Variants in MICALL1 observed in about 807,000 individuals in gnomAD.
The protein encoded by MICALL1 is MICAL-like protein 1.
MICALL1 carries 61 observed loss-of-function variants against 83.7 expected under a neutral mutation model. The observed-to-expected ratio is 0.73, with a 90% CI of 0.59 to 0.90. The LOEUF (loss-of-function observed/expected upper bound fraction) is 0.90, where lower values mean the gene tolerates loss of function less well. Ranked by LOEUF, MICALL1 falls within the 40% of genes least tolerant of loss-of-function variation. MICALL1 has a pLI of 0.00. For synonymous variants in MICALL1, 481 were observed against 473.6 expected (o/e 1.02, Z -0.20); for missense variants, 1,066 against 1,152.0 (o/e 0.93, Z 1.08).
Position 37,940,740 on chromosome 22 carries a change from G to A in MICALL1, c.2502G>A (p.Lys834=). ...AGAGGGAGGCTGAACCTGAGGGCAAGAAGAAGGGGAAGTTCAAGACCATGA... is the reference window on the plus strand; with the variant it reads ...AGAGGGAGGCTGAACCTGAGGGCAAAAAGAAGGGGAAGTTCAAGACCATGA... The part of the protein sequence containing the change: ...EFQREAEPEG[K]KKGKFKTMKM... Residue 834 remains lysine (K), a synonymous_variant, in exon 16 of 16, where the codon AAG becomes AAA. Coordinates refer to ENST00000215957, the MANE Select transcript of MICALL1 (RefSeq NM_033386.4). 1 of 1,614,032 alleles carries A rather than the reference G, an allele frequency of 6.2e-7. No homozygotes were observed. Among genetic ancestry groups the A allele is most frequent in the African/African-American group, 1.3e-5 (1 of 75,050 alleles).
At position 37,925,745 on chromosome 22, in the gene MICALL1, C is replaced by A. The variant is rs952419395; in HGVS notation, c.1167C>A (p.Ser389Arg). 1 of 1,612,518 alleles carries A rather than the reference C, an allele frequency of 6.2e-7. No individual in the cohort carries two copies. The highest frequency in any genetic ancestry group is 1.1e-5 in the South Asian group (1 of 91,002). ...PKKKPAPLPP[S>R]SSPGPPSQDS... ...AGAAGCCAGCCCCACTTCCCCCAAG[C>A]AGCAGCCCGGGGCCACCAAGCCAGG... Residue 389 changes from serine to arginine, a missense_variant, in exon 8 of 16, where the codon AGC (serine) becomes AGA (arginine). By Grantham distance (110) the Ser-to-Arg change is moderately radical. Coordinates refer to ENST00000215957, the MANE Select transcript of MICALL1 (RefSeq NM_033386.4).
At chr22:37,923,557 A>T (rs1929230497) in intron 6 of MICALL1, among the ~76,000 whole-genome samples, 1 of 152,182 alleles carries the variant, frequency 6.6e-6, no homozygotes, top group Non-Finnish European at 1.5e-5. Context: ...CCTGCCCCAA[A>T]TGCCGAGTTC....
intron 3 of MICALL1, among the ~76,000 whole-genome samples, chr22:37,917,426 A>G (rs1358868873): frequency 6.6e-6 from 1 of 152,076 alleles, no homozygotes; most frequent in Non-Finnish European, 1.5e-5. Context: ...GTGTTCTGTG[A>G]TCGTACTGTT....
In MICALL1 at chr22:37,937,625, T is replaced by C. The variant is rs145266401; in HGVS notation, c.2424-121T>C. 9.8e-3 allele frequency: 9,309 copies of C among 946,350 alleles called. 449 individuals are homozygous for C. The African/African-American group carries it at 0.12, about 12-fold the overall frequency. The allele number at this position is 946,350 out of a possible 1,614,324, so 58.6% of individuals were successfully genotyped here. ...TTTTAGTAGAGATGGGGTTTCACCA[T>C]GTTGGCTAGGCTGATCTCGAACTCC... On this transcript the variant is annotated intron_variant, in intron 14 of 15. Coordinates refer to ENST00000215957, the MANE Select transcript of MICALL1 (RefSeq NM_033386.4).
intron 15 of MICALL1, among the ~76,000 whole-genome samples, chr22:37,939,755 C>T (rs1930328739): frequency 8.3e-6 from 1 of 120,494 alleles, no homozygotes; most frequent in African/African-American, 3.3e-5. Flanking sequence ...GCCTGGGCGA[C>T]AGCACAAGTC....
At position 37,924,624 on chromosome 22, in the gene MICALL1, C is replaced by T. The variant is rs1929303703; in HGVS notation, c.1025-36C>T. On this transcript the variant is annotated intron_variant, in intron 6 of 15. Transcript: ENST00000215957. This position sits in a 1 kb window ranked among gnomAD's most constrained non-coding sequence, Gnocchi z 5.2. ...TCCCTGGGTGCCCACCTCCTGCTGC[C>T]CATGAAGGCCTGGCTCACTCTCCTT... The T allele has an allele frequency of 6.3e-7, 1 of 1,597,458 alleles. No homozygotes were observed. Among genetic ancestry groups the T allele is most frequent in the Non-Finnish European group, 8.5e-7 (1 of 1,169,980 alleles).
intron 9 of MICALL1, among the ~76,000 whole-genome samples, chr22:37,928,581 C>T (rs1929621098): frequency 6.6e-6 from 1 of 152,208 alleles, no homozygotes; most frequent in Admixed American, 6.5e-5. Context: ...CCATTACCCA[C>T]TCTGTCCAAT....
intron 1 of MICALL1, among the ~76,000 whole-genome samples, chr22:37,909,818 G>C (rs1414362359): frequency 6.6e-6 from 1 of 152,228 alleles, no homozygotes; most frequent in Non-Finnish European, 1.5e-5. Flanking sequence ...CACATAATGT[G>C]TAGGGAAGTC....
intron 15 of MICALL1, among the ~76,000 whole-genome samples, chr22:37,939,659 A>G (rs1183282222): frequency 2.0e-5 from 3 of 151,604 alleles, no homozygotes; most frequent in Admixed American, 2.0e-4. Flanking sequence ...GTGTAATCCC[A>G]GCTACTCGGG....
intron 3 of MICALL1, among the ~76,000 whole-genome samples, chr22:37,915,239 G>A (rs1027774612): frequency 3.3e-5 from 5 of 152,092 alleles, no homozygotes; most frequent in South Asian, 2.1e-4. Flanking sequence ...GCAACAGAGC[G>A]AGACCCCATC....
At position 37,939,442 on chromosome 22, in the gene MICALL1, CAG is replaced by C. The variant is rs138578653; in HGVS notation, c.2471-1264_2471-1263del. 4.9e-3 allele frequency among the ~76,000 whole-genome samples: 744 copies of C among 152,288 alleles called. 7 individuals are homozygous for C. Among genetic ancestry groups the C allele is most frequent in the African/African-American group, 0.017 (720 of 41,568 alleles). On this transcript the variant is annotated intron_variant, in intron 15 of 15. Coordinates refer to ENST00000215957, the MANE Select transcript of MICALL1 (RefSeq NM_033386.4). ...CTGACAGCGTTTGTGTTGTAAGTAA[CAG>C]AGCTGTGGGCACCAGCCTGGGTGAA...
chr22:37,933,709 AC>A (rs1361953957), intron 13 of MICALL1, among the ~76,000 whole-genome samples: 3 of 152,052 alleles, frequency 2.0e-5, no homozygotes, highest in Non-Finnish European at 4.4e-5. Flanking sequence ...GCAGGCAGAG[AC>A]CCCAGGACTA....
At chr22:37,913,499 C>T (rs1928472198) in intron 3 of MICALL1, among the ~76,000 whole-genome samples, 1 of 152,200 alleles carries the variant, frequency 6.6e-6, no homozygotes, top group African/African-American at 2.4e-5. Context: ...TTTCCTCCAG[C>T]AGGGAAGTGG....
intron 9 of MICALL1, among the ~76,000 whole-genome samples, chr22:37,929,003 A>C (rs1422413834): frequency 2.6e-5 from 4 of 152,054 alleles, no homozygotes; most frequent in Non-Finnish European, 4.4e-5. Flanking sequence ...GGCACCTGTA[A>C]TCCTGGCTAC....
At chr22:37,928,184 G>T (rs989926394) in intron 9 of MICALL1, among the ~76,000 whole-genome samples, 2 of 150,752 alleles carry the variant, frequency 1.3e-5, no homozygotes, top group Admixed American at 6.6e-5. Context: ...GGGATTACAG[G>T]CATGAACCAC....
intron 5 of MICALL1, among the ~76,000 whole-genome samples, chr22:37,921,738 A>AT (rs2145908220): frequency 6.6e-6 from 1 of 152,250 alleles, no homozygotes; most frequent in East Asian, 1.9e-4. Context: ...AACTGAAGGC[A>AT]TTTTTCACAA....
In MICALL1 at chr22:37,924,787, C is replaced by A; in HGVS notation, c.1082+70C>A. On this transcript the variant is annotated intron_variant, in intron 7 of 15. Transcript: ENST00000215957. The surrounding 1 kb of genome is among the most constrained non-coding windows in gnomAD (Gnocchi z 5.2). ...GGTGGGAATCAGGGTACTCTGGGGC[C>A]GGGTAGGGAGAGAGGCTTCCTGTGG... The A allele has an allele frequency of 1.3e-6, 2 of 1,526,386 alleles. No individual in the cohort carries two copies. Among genetic ancestry groups the A allele is most frequent in the Non-Finnish European group, 1.8e-6 (2 of 1,110,624 alleles). 94.6% of individuals were successfully genotyped at this position (1,526,386 alleles called of 1,614,324 possible).
At chr22:37,928,407 C>T (rs1436792528) in intron 9 of MICALL1, among the ~76,000 whole-genome samples, 2 of 152,118 alleles carry the variant, frequency 1.3e-5, no homozygotes, top group African/African-American at 2.4e-5. Context: ...GGGGTTTCAC[C>T]GTGTTAGCCA....
Position 37,931,895 on chromosome 22 carries a change from C to T in MICALL1, c.1978C>T (p.Pro660Ser). 6.2e-7 allele frequency: 1 copy of T among 1,614,180 alleles called. No homozygotes were observed. The stretch of plus-strand genomic sequence containing the variant: ...CAAGGGATCCAAGCCAGTGAGGCCA[C>T]CTGCCCCTGGACACGGCTTTCCACT... ...ATKGSKPVRP[P>S]APGHGFPLIK... is the part of the protein sequence containing the mutation. The change falls in exon 10 of 16, where the codon CCT becomes TCT. Residue 660 changes from proline to serine, a missense_variant. Physicochemically the swap from Pro to Ser is moderately conservative, Grantham distance 74. Transcript: ENST00000215957.
Sources: gnomAD v4.1 joint callset for allele counts (sites outside exome capture counted in the v4.1 genomes callset) on GRCh38, gnomAD v4.1.1 for gene constraint, Gnocchi (gnomAD v3.1) non-coding constraint, MANE v1.5 for transcripts, NCBI Gene and HGNC (gene_info 2026-07-23, HGNC 2026-07-21) for gene names.